DLC1: variants seen among roughly 807,000 people sequenced by gnomAD.
DLC1 encodes the protein DLC1 Rho GTPase activating protein, also known as rho GTPase-activating protein 7.
DLC1 carries 54 observed loss-of-function variants against 140.3 expected under a neutral mutation model. That is an observed-to-expected ratio of 0.38 (90% CI 0.31 to 0.48). DLC1 has a LOEUF of 0.48. Among genes scored for constraint, DLC1 ranks in the 20% least tolerant of loss-of-function variants. DLC1 has a pLI of 0.96. For missense variants in DLC1, 2,536 were observed against 1,907.0 expected (o/e 1.33, Z -6.14); for synonymous variants, 986 against 728.1 (o/e 1.35, Z -5.70).
intron 14 of DLC1, 79 bp downstream of exon 14, chr8:13,091,239 A>G: frequency 2.4e-5 from 34 of 1,412,656 alleles, no homozygotes; most frequent in South Asian, 4.8e-5. Context: ...CAGGTAAGAC[A>G]TGAACAAGGG....
intron 3 of DLC1, 94 bp downstream of exon 3, chr8:13,401,376 G>A (rs752568895): frequency 8.8e-6 from 13 of 1,472,846 alleles, no homozygotes; most frequent in Non-Finnish European, 1.2e-5. Context: ...GTTGTTAGAT[G>A]CCATTAACAA....
intron 5 of DLC1, among the ~76,000 whole-genome samples, chr8:13,145,309 G>T (rs1347220746): frequency 6.6e-6 from 1 of 151,948 alleles, no homozygotes; most frequent in Non-Finnish European, 1.5e-5. Context: ...AAAAATAAAA[G>T]AACATAAATA....
At chr8:13,250,590 G>A (rs181077423) in intron 5 of DLC1, among the ~76,000 whole-genome samples, 3 of 152,230 alleles carry the variant, frequency 2.0e-5, no homozygotes, top group Admixed American at 2.0e-4. Context: ...TAATACCAAA[G>A]CAATAAAGAC....
intron 4 of DLC1, among the ~76,000 whole-genome samples, chr8:13,359,929 G>C (rs1835147358): frequency 6.6e-6 from 1 of 152,152 alleles, no homozygotes; most frequent in Non-Finnish European, 1.5e-5. Context: ...ATTTACACTT[G>C]ACAGGGTTTG....
rs1197692509 is a variant in DLC1 at position 13,305,277 on chromosome 8, T to A, written c.1340A>T (p.Glu447Val). ...TTAIQGISEK[E>V]KAEIEAKEAC... is the part of the protein sequence containing the mutation. ...CCAAAATGTCAACTTACCAGCCTTT[T>A]CCTTCTCTGAAATACCTTGAATAGC... The change falls in exon 5 of 18, where the codon GAA becomes GTA. Residue 447 changes from glutamate (E) to valine (V), a missense_variant. By Grantham distance (121) the Glu-to-Val change is moderately radical. Coordinates refer to ENST00000276297, the MANE Select transcript of DLC1 (RefSeq NM_182643.3). 6.2e-7 allele frequency: 1 copy of A among 1,608,728 alleles called. No homozygotes were observed. Among genetic ancestry groups the A allele is most frequent in the South Asian group, 1.1e-5 (1 of 89,462 alleles).
chr8:13,153,636 A>G (rs554692101), intron 5 of DLC1, among the ~76,000 whole-genome samples: 7 of 152,280 alleles, frequency 4.6e-5, no homozygotes, highest in Admixed American at 1.3e-4. Flanking sequence ...TGCGTTTACA[A>G]TCCCTGAGCT....
Position 13,499,560 on chromosome 8 carries a change from T to G in DLC1, c.512A>C (p.Glu171Ala). ...SNSWGIAGET[E>A]LALVKESGER... ...CCCACTTTCTTTTACCAGTGCTAAT[T>G]CAGTTTCACCAGCTATTCCCCAGGA... The change falls in exon 2 of 18, where the codon GAA (glutamate) becomes GCA (alanine). Residue 171 changes from glutamate (E) to alanine (A), a missense_variant. By Grantham distance (107) the Glu-to-Ala change is moderately radical (BLOSUM62 -1). Coordinates refer to ENST00000276297, the MANE Select transcript of DLC1 (RefSeq NM_182643.3). The G allele has an allele frequency of 6.2e-7, 1 of 1,614,210 alleles. No homozygotes were observed. The highest frequency in any genetic ancestry group is 8.5e-7 in the Non-Finnish European group (1 of 1,180,022).
chr8:13,232,789 C>A (rs555122369), intron 5 of DLC1, among the ~76,000 whole-genome samples: 1 of 152,194 alleles, frequency 6.6e-6, no homozygotes, highest in South Asian at 2.1e-4. Flanking sequence ...CAAATCATTT[C>A]ATCCATGAAA....
At position 13,312,386 on chromosome 8, in the gene DLC1, A is replaced by AAAAAAATAATAAT. The variant is rs71207139; in HGVS notation, c.1315-7085_1315-7084insATTATTATTTTTT. On this transcript the variant is annotated intron_variant, in intron 4 of 17. Coordinates refer to ENST00000276297, the MANE Select transcript of DLC1 (RefSeq NM_182643.3). The stretch of plus-strand genomic sequence containing the variant: ...AAAAAAAAAAAAAAAAAAAAAAAAA[A>AAAAAAATAATAAT]AATAATTTCTTTAGCAAGCTAGATA... 9.7e-4 allele frequency among the ~76,000 whole-genome samples: 79 copies of AAAAAAATAATAAT among 81,694 alleles called. 8 individuals are homozygous for AAAAAAATAATAAT. The highest frequency in any genetic ancestry group is 1.9e-3 in the African/African-American group (43 of 22,404). 53.6% of individuals were successfully genotyped at this position (81,694 alleles called of 152,430 possible).
intron 5 of DLC1, among the ~76,000 whole-genome samples, chr8:13,188,799 GTGTATATATA>G (rs1311041818): frequency 3.8e-5 from 3 of 79,552 alleles, no homozygotes; most frequent in African/African-American, 1.7e-4. Flanking sequence ...GTGTGTGTGT[GTGTATATATA>G]TATATATATA....
At chr8:13,569,258 A>G (rs1474464341) in intron 1 of DLC1, among the ~76,000 whole-genome samples, 1 of 152,174 alleles carries the variant, frequency 6.6e-6, no homozygotes, top group Non-Finnish European at 1.5e-5. Flanking sequence ...GAATTATCTC[A>G]GTGAAAAAGA....
chr8:13,501,011 C>T (rs1801786579), intron 1 of DLC1, among the ~76,000 whole-genome samples: 1 of 152,270 alleles, frequency 6.6e-6, no homozygotes, highest in South Asian at 2.1e-4. Context: ...ACTTCATTGT[C>T]TCCATGGAAT....
intron 5 of DLC1, among the ~76,000 whole-genome samples, chr8:13,225,009 C>G (rs1194913556): frequency 6.6e-6 from 1 of 152,140 alleles, no homozygotes; most frequent in Non-Finnish European, 1.5e-5. Flanking sequence ...GTGAGTTTTC[C>G]TATCTCTACC....
chr8:13,345,547 C>CTTTTTTTTTTTTTTTTTTTTTTTTTTTT lies in DLC1; in HGVS notation c.1315-40246_1315-40245insAAAAAAAAAAAAAAAAAAAAAAAAAAAA, dbSNP rs535092622. Among the ~76,000 whole-genome samples, 4 of 67,520 alleles carry CTTTTTTTTTTTTTTTTTTTTTTTTTTTT rather than the reference C, an allele frequency of 5.9e-5. 1 individual carries two copies. Among genetic ancestry groups the CTTTTTTTTTTTTTTTTTTTTTTTTTTTT allele is most frequent in the Non-Finnish European group, 1.0e-4 (4 of 38,924 alleles). The allele number at this position is 67,520 out of a possible 152,430, so 44.3% of individuals were successfully genotyped here. The stretch of plus-strand genomic sequence containing the variant: ...GATTATCTGAAATTTTTCACTCACA[C>CTTTTTTTTTTTTTTTTTTTTTTTTTTTT]TTTTTTTTTTTTTTTTTTTTTTTGG... On this transcript the variant is annotated intron_variant, in intron 4 of 17. Coordinates refer to ENST00000276297, the MANE Select transcript of DLC1 (RefSeq NM_182643.3).
At chr8:13,200,253 G>T (rs758674847) in intron 5 of DLC1, among the ~76,000 whole-genome samples, 3 of 151,758 alleles carry the variant, frequency 2.0e-5, no homozygotes, top group Non-Finnish European at 2.9e-5. Context: ...TAGTAGAGGC[G>T]GGGTTTCACT....
At chr8:13,147,785 T>C (rs1331983514) in intron 5 of DLC1, among the ~76,000 whole-genome samples, 1 of 152,028 alleles carries the variant, frequency 6.6e-6, no homozygotes, top group Non-Finnish European at 1.5e-5. Context: ...GTCAAGAGAT[T>C]GAGACCATCC....
At chr8:13,571,807 G>T (rs561466438) in intron 1 of DLC1, among the ~76,000 whole-genome samples, 4 of 152,280 alleles carry the variant, frequency 2.6e-5, no homozygotes, top group Non-Finnish European at 5.9e-5. Context: ...CAGTTGCAAC[G>T]TTTTACATTT....
At chr8:13,236,233 T>C (rs1217335863) in intron 5 of DLC1, among the ~76,000 whole-genome samples, 1 of 152,098 alleles carries the variant, frequency 6.6e-6, no homozygotes, top group South Asian at 2.1e-4. Context: ...TTAAGGTTCA[T>C]TCACTTTTCC....
chr8:13,342,503 G>C (rs977764398), intron 4 of DLC1: 4 of 152,236 alleles, frequency 2.6e-5, no homozygotes, highest in Non-Finnish European at 5.9e-5. Context: ...AGGCAGAGTA[G>C]GCTTTGTAAT....
Sources: allele counts gnomAD v4.1 joint callset (sites outside exome capture counted in the v4.1 genomes callset), GRCh38; gene constraint gnomAD v4.1.1; transcripts MANE v1.5; gene names NCBI Gene and HGNC (gene_info 2026-07-23, HGNC 2026-07-21).